Variants in PCDHGA2 observed in about 807,000 individuals in gnomAD.
The protein encoded by PCDHGA2 is protocadherin gamma subfamily A, 2, also known as protocadherin gamma-A2.
PCDHGA2 carries 40 observed loss-of-function variants against 59.2 expected under a neutral mutation model. The ratio of observed to expected loss-of-function variants is 0.68; its 90% CI spans 0.52 to 0.88. The LOEUF (loss-of-function observed/expected upper bound fraction) is 0.88, where lower values mean the gene tolerates loss of function less well. Among genes scored for constraint, PCDHGA2 ranks in the 40% least tolerant of loss-of-function variants. The pLI, the probability that PCDHGA2 is intolerant of heterozygous loss-of-function variation, is 0.00. For synonymous variants in PCDHGA2, 560 were observed against 526.0 expected, an observed-to-expected ratio of 1.06 and a Z score of -0.89; for missense variants, 1,226 against 1,204.0, an observed-to-expected ratio of 1.02 and a Z score of -0.27.
In PCDHGA2 at chr5:141,476,933, GA is replaced by G; in HGVS notation, c.2425-17872del. 1 of 1,614,176 alleles carries G rather than the reference GA, an allele frequency of 6.2e-7. No individual in the cohort carries two copies. Reference sequence around the variant, plus strand: ...ACAAGTCCTTGCAACGGATCTGGATGAAGGCCCCAACGGTGAAATTATTTAC... The same window carrying G: ...ACAAGTCCTTGCAACGGATCTGGATGAGGCCCCAACGGTGAAATTATTTAC... On this transcript the variant is annotated intron_variant, in intron 1 of 3. Transcript: ENST00000394576. This position sits in a 1 kb window ranked among gnomAD's most constrained non-coding sequence, Gnocchi z 7.6.
rs770788893 is a variant in PCDHGA2 at position 141,403,151 on chromosome 5, G to T, written c.2424+61756G>T. On this transcript the variant is annotated intron_variant, in intron 1 of 3. Coordinates refer to ENST00000394576, the MANE Select transcript of PCDHGA2 (RefSeq NM_018915.4). ...GCTGGCGGAGCGCCGAGTCCGCATC[G>T]TCTCTAGAGGTAGGACGCAGCTTTT... 1.3e-5 allele frequency: 21 copies of T among 1,613,914 alleles called. No individual in the cohort carries two copies. In the Admixed American group the frequency reaches 3.5e-4, roughly 27 times the overall value.
At position 141,345,243 on chromosome 5, in the gene PCDHGA2, T is replaced by C. The variant is rs772665253; in HGVS notation, c.2424+3848T>C. On this transcript the variant is annotated intron_variant, in intron 1 of 3. Coordinates refer to ENST00000394576, the MANE Select transcript of PCDHGA2 (RefSeq NM_018915.4). ...AAAATCAATAGATCAATATTACCGC[T>C]TAGTGACGGCCACATCCCTGGACCG... 4 of 1,613,838 alleles carry C rather than the reference T, an allele frequency of 2.5e-6. No homozygotes were observed. In the Admixed American group the frequency reaches 6.7e-5, roughly 27 times the overall value.
At chr5:141,345,555 AACTCCAAC>A (rs1223359970) in intron 1 of PCDHGA2, 5 of 1,614,026 alleles carry the variant, frequency 3.1e-6, no homozygotes, top group Non-Finnish European at 4.2e-6. Context: ...CGTCTCTATC[AACTCCAAC>A]ACTGGCGTCC....
At chr5:141,494,783 C>G (rs2099756910) in intron 1 of PCDHGA2, 24 bp from the exon 2 acceptor site, 2 of 1,613,964 alleles carry the variant, frequency 1.2e-6, no homozygotes, top group Admixed American at 3.3e-5. Context: ...GTACTCAGCC[C>G]CTTTCCCTCT....
intron 1 of PCDHGA2, among the ~76,000 whole-genome samples, chr5:141,463,239 C>G (rs1012919667): frequency 1.3e-5 from 2 of 151,950 alleles, no homozygotes; most frequent in African/African-American, 4.8e-5. Context: ...CTTTGTGTAG[C>G]TCCATTCTCT....
At position 141,354,261 on chromosome 5, in the gene PCDHGA2, G is replaced by T. The variant is rs555341930; in HGVS notation, c.2424+12866G>T. Reference sequence around the variant, plus strand: ...CAGAGTTATTTACCCATTGTTTTAGGCTTTGCATTTGAACTGGTCATTCAT... The same window carrying T: ...CAGAGTTATTTACCCATTGTTTTAGTCTTTGCATTTGAACTGGTCATTCAT... On this transcript the variant is annotated intron_variant, in intron 1 of 3. Transcript: ENST00000394576. Among the ~76,000 whole-genome samples, 5 of 151,924 alleles carry T rather than the reference G, an allele frequency of 3.3e-5. No homozygotes were observed. In the East Asian group the frequency reaches 9.7e-4, roughly 29 times the overall value.
At chr5:141,344,984 T>A (rs766916840) in intron 1 of PCDHGA2, 2 of 1,613,932 alleles carry the variant, frequency 1.2e-6, no homozygotes, top group Non-Finnish European at 1.7e-6. Context: ...TCTATGAAAT[T>A]AAAATTGAAG....
intron 1 of PCDHGA2, chr5:141,382,806 C>G: frequency 9.1e-7 from 1 of 1,097,502 alleles, no homozygotes; most frequent in South Asian, 1.6e-5. Context: ...GGATTCTGAG[C>G]TCCCCTTCCT....
Position 141,486,862 on chromosome 5 carries a change from A to G in PCDHGA2, c.2425-7945A>G. The G allele has an allele frequency of 6.2e-7, 1 of 1,614,256 alleles. No individual in the cohort carries two copies. The highest frequency in any genetic ancestry group is 1.3e-5 in the African/African-American group (1 of 75,078). On this transcript the variant is annotated intron_variant, in intron 1 of 3. Transcript: ENST00000394576. This position sits in a 1 kb window ranked among gnomAD's most constrained non-coding sequence, Gnocchi z 5.0. Reference sequence around the variant, plus strand: ...TGCTGGACCTCAATGACAATGCTCCAGCTGTGCTCCGTCCTCGGGCCCGGC... The same window carrying G: ...TGCTGGACCTCAATGACAATGCTCCGGCTGTGCTCCGTCCTCGGGCCCGGC...
chr5:141,395,080 A>G, intron 1 of PCDHGA2: 1 of 1,614,088 alleles, frequency 6.2e-7, no homozygotes, highest in Non-Finnish European at 8.5e-7. Flanking sequence ...TATTCCCAGG[A>G]AGTCTCCCTC....
At chr5:141,509,216 T>C (rs2099875781) in intron 3 of PCDHGA2, among the ~76,000 whole-genome samples, 1 of 152,124 alleles carries the variant, frequency 6.6e-6, no homozygotes, top group South Asian at 2.1e-4. Flanking sequence ...TATTTCTCAA[T>C]CCCTGGTTGA....
intron 1 of PCDHGA2, chr5:141,374,762 C>A (rs765014957): frequency 1.2e-5 from 19 of 1,613,390 alleles, no homozygotes. Flanking sequence ...AAGCGTCGCC[C>A]AAATTCTGGT....
chr5:141,376,183 C>A, intron 1 of PCDHGA2: 1 of 1,614,148 alleles, frequency 6.2e-7, no homozygotes, highest in Non-Finnish European at 8.5e-7. Flanking sequence ...TGGCCGCGGT[C>A]TCCTGCGTCT....
At chr5:141,478,442 C>T in intron 1 of PCDHGA2, 1 of 1,613,608 alleles carries the variant, frequency 6.2e-7, no homozygotes, top group Non-Finnish European at 8.5e-7. Flanking sequence ...GCTGAAGAAA[C>T]CTGGTGCAGC....
At chr5:141,413,177 T>G (rs2095610843) in intron 1 of PCDHGA2, 4 of 1,602,350 alleles carry the variant, frequency 2.5e-6, no homozygotes, top group Non-Finnish European at 3.4e-6. Flanking sequence ...CAGACTACAA[T>G]GGCCGCTCAA....
intron 1 of PCDHGA2, chr5:141,419,487 G>T: frequency 6.2e-7 from 1 of 1,612,378 alleles, no homozygotes. Context: ...CCCGCGCTCA[G>T]CGCCAATGTG....
At chr5:141,494,564 G>A (rs2099755274) in intron 1 of PCDHGA2, among the ~76,000 whole-genome samples, 1 of 152,138 alleles carries the variant, frequency 6.6e-6, no homozygotes, top group Non-Finnish European at 1.5e-5. Context: ...TTTAGGAAAG[G>A]AGTCTCAGCT....
At chr5:141,355,564 G>A in intron 1 of PCDHGA2, 2 of 1,614,036 alleles carry the variant, frequency 1.2e-6, no homozygotes, top group South Asian at 1.1e-5. Context: ...GGTAGAGGTG[G>A]AAATAATCGA....
rs771505871 is a variant in PCDHGA2 at position 141,339,648 on chromosome 5, C to T, written c.677C>T (p.Ser226Phe). ...GGTGACCCAGTGCTATCTGGCACCTCCCGCATCTGCGTGAAGGTCCTGGAT... is the reference window on the plus strand; with the variant it reads ...GGTGACCCAGTGCTATCTGGCACCTTCCGCATCTGCGTGAAGGTCCTGGAT... ...DGGDPVLSGT[S>F]RICVKVLDAN... Residue 226 changes from serine (S) to phenylalanine (F), a missense_variant, in exon 1 of 4, where the codon TCC becomes TTC. Ser to Phe is a radical substitution (Grantham distance 155). Coordinates refer to ENST00000394576, the MANE Select transcript of PCDHGA2 (RefSeq NM_018915.4). 6.2e-7 allele frequency: 1 copy of T among 1,614,208 alleles called. No individual in the cohort carries two copies. Among genetic ancestry groups the T allele is most frequent in the Non-Finnish European group, 8.5e-7 (1 of 1,180,036 alleles).
Sources: gnomAD v4.1 joint callset for allele counts (sites outside exome capture counted in the v4.1 genomes callset) on GRCh38, gnomAD v4.1.1 for gene constraint, Gnocchi (gnomAD v3.1) non-coding constraint, MANE v1.5 for transcripts, NCBI Gene and HGNC (gene_info 2026-07-23, HGNC 2026-07-21) for gene names.